QTMAN: variants seen among roughly 807,000 people sequenced by gnomAD.
QTMAN encodes queuosine-tRNA mannosyltransferase, also known as tRNA-queuosine alpha-mannosyltransferase.
At chr2:144,132,949 T>G in the QTMAN span, among the ~76,000 whole-genome samples, 1 of 136,240 alleles carries the variant, frequency 7.3e-6, no homozygotes, top group Non-Finnish European at 1.5e-5. Flanking sequence ...AAATTCAATA[T>G]TCAATTTTCA....
the QTMAN span, among the ~76,000 whole-genome samples, chr2:144,320,290 C>T: frequency 6.6e-6 from 1 of 152,134 alleles, no homozygotes; most frequent in East Asian, 1.9e-4. Flanking sequence ...CCTGGTCCTT[C>T]CAAGGAGAAG....
the QTMAN span, among the ~76,000 whole-genome samples, chr2:144,059,891 T>A: frequency 6.6e-6 from 1 of 152,158 alleles, no homozygotes; most frequent in Non-Finnish European, 1.5e-5. Flanking sequence ...CCAGGTCACC[T>A]CATCTAGCTA....
the QTMAN span, among the ~76,000 whole-genome samples, chr2:144,330,225 C>A: frequency 2.0e-5 from 3 of 152,180 alleles, no homozygotes; most frequent in Admixed American, 6.5e-5. Context: ...CGTATTTTTA[C>A]TGTACCCTTT....
At chr2:144,129,468 GT>G in the QTMAN span, among the ~76,000 whole-genome samples, 1 of 151,948 alleles carries the variant, frequency 6.6e-6, no homozygotes, top group East Asian at 1.9e-4. Context: ...GTAAATTTTA[GT>G]GTGTGACCAA....
chr2:144,027,706 T>C, the QTMAN span, among the ~76,000 whole-genome samples: 1 of 152,244 alleles, frequency 6.6e-6, no homozygotes, highest in Non-Finnish European at 1.5e-5. Context: ...GATAGAGTTA[T>C]AGCATTGCTT....
At chr2:143,951,367 A>G in the QTMAN span, among the ~76,000 whole-genome samples, 1 of 151,632 alleles carries the variant, frequency 6.6e-6, no homozygotes, top group Non-Finnish European at 1.5e-5. Flanking sequence ...CAAATAAAGA[A>G]AAGAAGATAA....
the QTMAN span, among the ~76,000 whole-genome samples, chr2:144,023,564 A>G: frequency 2.0e-5 from 3 of 152,194 alleles, no homozygotes; most frequent in African/African-American, 7.2e-5. Context: ...TATAGTGAAC[A>G]TTATTGTGAG....
the QTMAN span, among the ~76,000 whole-genome samples, chr2:143,947,943 AGAGACT>A: frequency 2.9e-4 from 44 of 152,200 alleles, no homozygotes; most frequent in Admixed American, 1.1e-3. Context: ...AGAAAGAGTG[AGAGACT>A]GAGACTGAGA....
chr2:144,149,293 C>G, the QTMAN span, among the ~76,000 whole-genome samples: 1 of 151,878 alleles, frequency 6.6e-6, no homozygotes, highest in African/African-American at 2.4e-5. Context: ...TTCCTGACAG[C>G]TGCTGCTTGA....
At chr2:144,122,425 T>C in the QTMAN span, among the ~76,000 whole-genome samples, 2 of 152,288 alleles carry the variant, frequency 1.3e-5, no homozygotes, top group South Asian at 4.1e-4. Flanking sequence ...ATTCAGGTCA[T>C]AAGTTGGCTA....
chr2:144,114,843 C>T, the QTMAN span, among the ~76,000 whole-genome samples: 1 of 152,122 alleles, frequency 6.6e-6, no homozygotes. Context: ...GCATTTGTAT[C>T]CCAGAGGTCT....
the QTMAN span, among the ~76,000 whole-genome samples, chr2:144,093,474 G>A: frequency 2.6e-5 from 4 of 152,186 alleles, no homozygotes; most frequent in African/African-American, 9.6e-5. Context: ...TCACTACCAA[G>A]TTAAGTGCAA....
At chr2:144,133,428 AAT>A in the QTMAN span, among the ~76,000 whole-genome samples, 1 of 45,020 alleles carries the variant, frequency 2.2e-5, no homozygotes, top group African/African-American at 1.6e-4. Context: ...TAATATATAT[AAT>A]ATATAATATA....
chr2:144,319,841 T>C, the QTMAN span: 2 of 152,296 alleles, frequency 1.3e-5, no homozygotes, highest in East Asian at 3.9e-4. Flanking sequence ...ATATAAATTC[T>C]TGGATGGATT....
the QTMAN span, among the ~76,000 whole-genome samples, chr2:144,178,046 G>C: frequency 2.6e-5 from 4 of 152,106 alleles, no homozygotes; most frequent in Admixed American, 2.6e-4. Context: ...ACAAAGGTAG[G>C]GAACAGGGCT....
At chr2:144,064,552 G>A in the QTMAN span, among the ~76,000 whole-genome samples, 41 of 152,292 alleles carry the variant, frequency 2.7e-4, no homozygotes, top group South Asian at 1.0e-3. Flanking sequence ...ACAGGAACCT[G>A]CGTTTGAGGA....
chr2:143,976,182 C>CTT, the QTMAN span, among the ~76,000 whole-genome samples: 2 of 149,770 alleles, frequency 1.3e-5, no homozygotes, highest in Non-Finnish European at 3.0e-5. Flanking sequence ...CAGTTTTTGA[C>CTT]TTTTTTTTTT....
chr2:143,991,453 C>T, the QTMAN span, among the ~76,000 whole-genome samples: 12 of 147,858 alleles, frequency 8.1e-5, no homozygotes, highest in South Asian at 2.2e-4. Context: ...GCCCCCCACC[C>T]GGCCAGCCGC....
the QTMAN span, among the ~76,000 whole-genome samples, chr2:144,046,158 T>A: frequency 2.0e-5 from 3 of 152,270 alleles, no homozygotes; most frequent in South Asian, 6.2e-4. Flanking sequence ...ACTAACACTA[T>A]CAAATAACAA....
Sources: allele counts gnomAD v4.1 joint callset (sites outside exome capture counted in the v4.1 genomes callset), GRCh38; gene constraint gnomAD v4.1.1; transcripts MANE v1.5; gene names NCBI Gene and HGNC (gene_info 2026-07-23, HGNC 2026-07-21).